Variants in RUNDC3B observed in about 807,000 individuals in gnomAD.
RUNDC3B encodes RUN domain containing 3B, also known as RUN domain-containing protein 3B.
RUNDC3B carries 33 observed loss-of-function variants against 58.4 expected under a neutral mutation model. The ratio of observed to expected loss-of-function variants is 0.56; its 90% CI spans 0.43 to 0.75. The LOEUF is 0.75. RUNDC3B is among the 30% of genes least tolerant of loss of function. RUNDC3B has a pLI of 0.00. For synonymous variants in RUNDC3B, 193 were observed against 195.2 expected, an observed-to-expected ratio of 0.99 and a Z score of 0.10; for missense variants, 501 against 535.7, an observed-to-expected ratio of 0.94 and a Z score of 0.64.
chr7:87,776,393 A>G (rs534458924), intron 7 of RUNDC3B, among the ~76,000 whole-genome samples: 2 of 152,304 alleles, frequency 1.3e-5, no homozygotes, highest in Non-Finnish European at 1.5e-5. Context: ...CAAATGAACT[A>G]TAGCTAGGCT....
intron 2 of RUNDC3B, among the ~76,000 whole-genome samples, chr7:87,688,171 T>C (rs1388513204): frequency 1.3e-5 from 2 of 152,152 alleles, no homozygotes; most frequent in Non-Finnish European, 2.9e-5. Context: ...GAAGCAGATA[T>C]TGTATCTCAG....
At chr7:87,775,846 C>G (rs1834592144) in intron 7 of RUNDC3B, among the ~76,000 whole-genome samples, 1 of 152,148 alleles carries the variant, frequency 6.6e-6, no homozygotes, top group African/African-American at 2.4e-5. Context: ...GTAGTAGACT[C>G]TGTAATGTTC....
At chr7:87,813,608 A>G (rs1836845583) in intron 9 of RUNDC3B, among the ~76,000 whole-genome samples, 1 of 152,208 alleles carries the variant, frequency 6.6e-6, no homozygotes, top group African/African-American at 2.4e-5. Context: ...TGGGCACAAA[A>G]AAAATAATTT....
chr7:87,813,832 A>G (rs1836865095), intron 9 of RUNDC3B, among the ~76,000 whole-genome samples: 1 of 151,568 alleles, frequency 6.6e-6, no homozygotes, highest in Admixed American at 6.6e-5. Context: ...ACAAAAAAAA[A>G]TAGCCGGGCG....
intron 8 of RUNDC3B, among the ~76,000 whole-genome samples, chr7:87,788,703 CTTTTT>C (rs5885597): frequency 1.6e-5 from 2 of 128,296 alleles, no homozygotes; most frequent in Non-Finnish European, 3.4e-5. Context: ...CTTTTCAAAA[CTTTTT>C]TTTTTTTTTT....
chr7:87,654,182 G>T (rs1823853833), intron 2 of RUNDC3B, among the ~76,000 whole-genome samples: 1 of 151,800 alleles, frequency 6.6e-6, no homozygotes, highest in East Asian at 1.9e-4. Context: ...CAGGTTCACT[G>T]AAATCTCCAC....
At position 87,741,507 on chromosome 7, in the gene RUNDC3B, T is replaced by C; in HGVS notation, c.557T>C (p.Leu186Pro). The C allele has an allele frequency of 1.3e-6, 2 of 1,554,658 alleles. No homozygotes were observed. The highest frequency in any genetic ancestry group is 1.2e-5 in the South Asian group (1 of 86,232). The change falls in exon 6 of 11, where the codon CTA becomes CCA. Residue 186 changes from leucine (L) to proline (P), a missense_variant. By Grantham distance (98) the Leu-to-Pro change is moderately conservative. Transcript: ENST00000394654. ...GLNAIDFSFC[L>P]KGEGLDGSFP... ...ATTTTCTATTGTCTTAGTTTCTGCC[T>C]AAAGGGAGAGGGGCTGGATGGCAGT...
intron 8 of RUNDC3B, among the ~76,000 whole-genome samples, chr7:87,784,619 G>C (rs2130894699): frequency 6.6e-6 from 1 of 151,980 alleles, no homozygotes; most frequent in South Asian, 2.1e-4. Context: ...TAAGAGTAAG[G>C]GCTGGCAGAT....
At chr7:87,673,608 T>A (rs1038798782) in intron 2 of RUNDC3B, among the ~76,000 whole-genome samples, 52 of 152,244 alleles carry the variant, frequency 3.4e-4, no homozygotes, top group African/African-American at 1.3e-3. Context: ...TCGGCTTCTG[T>A]ATCCGTTTGT....
In RUNDC3B at chr7:87,790,515, TG is replaced by T. The variant is rs1835466228; in HGVS notation, c.956+12562del. On this transcript the variant is annotated intron_variant, in intron 8 of 10. Transcript: ENST00000394654. ...ACCTAAATAAATCAACTTGGAGTCC[TG>T]GAGAAATAGGGATATGTGAACTTAG... Among the ~76,000 whole-genome samples the T allele has an allele frequency of 3.3e-5, 5 of 152,214 alleles. No individual in the cohort carries two copies. In the South Asian group the frequency reaches 1.0e-3, roughly 32 times the overall value.
intron 6 of RUNDC3B, among the ~76,000 whole-genome samples, chr7:87,757,340 G>A (rs1275501497): frequency 6.6e-6 from 1 of 151,990 alleles, no homozygotes; most frequent in Non-Finnish European, 1.5e-5. Flanking sequence ...CAGTAAATTT[G>A]CAGGATACAA....
intron 9 of RUNDC3B, among the ~76,000 whole-genome samples, chr7:87,815,290 A>C (rs1836967946): frequency 1.3e-5 from 2 of 152,140 alleles, no homozygotes; most frequent in South Asian, 4.1e-4. Flanking sequence ...ATATATTTCT[A>C]GGAAATTAGA....
At chr7:87,669,841 T>G (rs991561014) in intron 2 of RUNDC3B, among the ~76,000 whole-genome samples, 1 of 152,240 alleles carries the variant, frequency 6.6e-6, no homozygotes, top group Non-Finnish European at 1.5e-5. Flanking sequence ...AGAGGTCCAC[T>G]GTTAGCCTAA....
At chr7:87,803,016 G>A (rs1836254579) in intron 8 of RUNDC3B, among the ~76,000 whole-genome samples, 1 of 151,972 alleles carries the variant, frequency 6.6e-6, no homozygotes, top group Non-Finnish European at 1.5e-5. Flanking sequence ...AAATAAAAAT[G>A]TTTAAAAAAC....
intron 2 of RUNDC3B, among the ~76,000 whole-genome samples, chr7:87,653,235 T>C (rs1046797016): frequency 6.6e-6 from 1 of 152,058 alleles, no homozygotes; most frequent in African/African-American, 2.4e-5. Context: ...TTTTGAACTT[T>C]TATTTATTTA....
rs146127516 is a variant in RUNDC3B at position 87,702,142 on chromosome 7, CA to C, written c.372+1618del. On this transcript the variant is annotated intron_variant, in intron 3 of 10. Coordinates refer to ENST00000394654, the MANE Select transcript of RUNDC3B (RefSeq NM_001134405.2). ...TGGGCAAAAGAGCGAGACTCTGTCT[CA>C]AAAAAAAAAAAAAAAAAAAAAAAAA... Among the ~76,000 whole-genome samples the C allele has an allele frequency of 7.6e-3, 128 of 16,762 alleles. 1 individual carries two copies. Among genetic ancestry groups the C allele is most frequent in the African/African-American group, 0.015 (83 of 5,718 alleles). 11.0% of individuals were successfully genotyped at this position (16,762 alleles called of 152,430 possible). A position where few individuals can be genotyped will look rare whatever the true frequency, so the allele number is the denominator to read the frequency against.
Position 87,771,064 on chromosome 7 carries a change from G to A in RUNDC3B, c.798+315G>A, listed in dbSNP as rs550106504. On this transcript the variant is annotated intron_variant, in intron 7 of 10. Transcript: ENST00000394654. ...ATTGGTTTGTGAAAATGCAGTGATT[G>A]CCTAAGCACGTACATCTGATTTTTT... 2.6e-5 allele frequency among the ~76,000 whole-genome samples: 4 copies of A among 152,290 alleles called. No individual in the cohort carries two copies. In the South Asian group the frequency reaches 8.3e-4, roughly 32 times the overall value.
intron 6 of RUNDC3B, among the ~76,000 whole-genome samples, chr7:87,753,916 A>T (rs1382589735): frequency 1.3e-5 from 2 of 152,190 alleles, no homozygotes; most frequent in East Asian, 3.8e-4. Flanking sequence ...TCATGCAGTC[A>T]GTAAGAAGAA....
intron 1 of RUNDC3B, among the ~76,000 whole-genome samples, chr7:87,650,364 A>G (rs1490707954): frequency 6.6e-6 from 1 of 152,032 alleles, no homozygotes; most frequent in Non-Finnish European, 1.5e-5. Flanking sequence ...GAAGGCTGAG[A>G]TCGGGGCACC....
Sources: allele counts gnomAD v4.1 joint callset (sites outside exome capture counted in the v4.1 genomes callset), GRCh38; gene constraint gnomAD v4.1.1; transcripts MANE v1.5; gene names NCBI Gene and HGNC (gene_info 2026-07-23, HGNC 2026-07-21).